The following TCF4 variants were observed in gnomAD, a reference collection of about 807,000 sequenced individuals.
TCF4 encodes transcription factor 4, also known as SL3-3 enhancer factor 2.
Under a neutral mutation model 82.1 loss-of-function variants are expected in TCF4, and 3 were observed. The ratio of observed to expected loss-of-function variants is 0.04; its 90% CI spans 0.02 to 0.09. TCF4 has a LOEUF of 0.09. TCF4 is among the 10% of genes least tolerant of loss of function. The probability of loss-of-function intolerance (pLI) is 1.00; values close to 1 mark genes in which losing one functional copy is unlikely to be tolerated. For synonymous variants in TCF4, 276 were observed against 309.6 expected, an observed-to-expected ratio of 0.89 and a Z score of 1.14; for missense variants, 518 against 852.7, an observed-to-expected ratio of 0.61 and a Z score of 4.89.
chr18:55,447,311 AAT>A (rs1337188518), intron 5 of TCF4, among the ~76,000 whole-genome samples: 1 of 139,526 alleles, frequency 7.2e-6, no homozygotes, highest in Admixed American at 7.4e-5. Context: ...AAAAAAAAAA[AAT>A]TAGACATTAT....
At chr18:55,607,721 G>A (rs1194532421) in intron 2 of TCF4, among the ~76,000 whole-genome samples, 1 of 152,112 alleles carries the variant, frequency 6.6e-6, no homozygotes, top group Non-Finnish European at 1.5e-5. Flanking sequence ...AGGTTGTTGC[G>A]GATCCAAATG....
chr18:55,238,757 T>C (rs532979852), intron 15 of TCF4, among the ~76,000 whole-genome samples: 2 of 152,280 alleles, frequency 1.3e-5, no homozygotes, highest in East Asian at 1.9e-4. Context: ...TGATGACAGA[T>C]TGGACTCTTT....
intron 6 of TCF4, among the ~76,000 whole-genome samples, chr18:55,357,112 T>C (rs2083749589): frequency 6.6e-6 from 1 of 152,194 alleles, no homozygotes; most frequent in African/African-American, 2.4e-5. Flanking sequence ...ATATACCTAT[T>C]TGACTCTCAT....
chr18:55,426,725 C>T (rs890557262), intron 5 of TCF4, among the ~76,000 whole-genome samples: 1 of 135,094 alleles, frequency 7.4e-6, no homozygotes, highest in African/African-American at 2.8e-5. Context: ...TTTCAATACC[C>T]TCTCCCCTAA....
intron 10 of TCF4, among the ~76,000 whole-genome samples, chr18:55,272,105 G>T (rs548085297): frequency 3.2e-4 from 48 of 152,162 alleles, no homozygotes; most frequent in African/African-American, 1.0e-3. Flanking sequence ...TGTAAAATGG[G>T]CAGTAATTTG....
chr18:55,291,823 A>C (rs2065161382), intron 8 of TCF4, among the ~76,000 whole-genome samples: 1 of 152,224 alleles, frequency 6.6e-6, no homozygotes, highest in South Asian at 2.1e-4. Context: ...GGTAAATTAC[A>C]TACAAAAAAT....
intron 3 of TCF4, among the ~76,000 whole-genome samples, chr18:55,497,461 A>C (rs565075704): frequency 6.6e-6 from 1 of 152,254 alleles, no homozygotes; most frequent in South Asian, 2.1e-4. Context: ...ACTATTATAT[A>C]CGGCATGCAG....
rs145699080 is a variant in TCF4 at position 55,441,909 on chromosome 18, G to A, written c.304+19110C>T. Among the ~76,000 whole-genome samples the A allele has an allele frequency of 5.5e-4, 84 of 152,162 alleles. 1 individual carries two copies. The highest frequency in any genetic ancestry group is 3.4e-3 in the Middle Eastern group (1 of 294). On this transcript the variant is annotated intron_variant, in intron 5 of 19. Coordinates refer to ENST00000354452, the MANE Select transcript of TCF4 (RefSeq NM_001083962.2). Reference sequence around the variant, plus strand: ...TTGTCATACCCATTTTAAATAAATGGGAAGTCAACTGAAACTGACTTCTCT... The same window carrying A: ...TTGTCATACCCATTTTAAATAAATGAGAAGTCAACTGAAACTGACTTCTCT...
Position 55,557,127 on chromosome 18 carries a change from C to T in TCF4, c.145+28153G>A, listed in dbSNP as rs190363352. Among the ~76,000 whole-genome samples, 15 of 152,282 alleles carry T rather than the reference C, an allele frequency of 9.9e-5. No individual in the cohort carries two copies. In the South Asian group the frequency reaches 1.0e-3, roughly 11 times the overall value. Reference sequence around the variant, plus strand: ...CGGTATGTGTAATTCCTGTTTAATGCAATGATTTTCTTCCATGAAGTATGG... The same window carrying T: ...CGGTATGTGTAATTCCTGTTTAATGTAATGATTTTCTTCCATGAAGTATGG... On this transcript the variant is annotated intron_variant, in intron 3 of 19. Coordinates refer to ENST00000354452, the MANE Select transcript of TCF4 (RefSeq NM_001083962.2).
At chr18:55,437,948 C>T (rs9967315) in intron 5 of TCF4, among the ~76,000 whole-genome samples, 7,286 of 152,240 alleles carry the variant, frequency 0.048, 321 homozygotes, top group South Asian at 0.17. Flanking sequence ...CGCCTCTAAT[C>T]CCAGCACTTT....
At chr18:55,316,027 G>A (rs186389889) in intron 8 of TCF4, among the ~76,000 whole-genome samples, 57 of 151,994 alleles carry the variant, frequency 3.8e-4, no homozygotes, top group African/African-American at 1.3e-3. Flanking sequence ...GGCTAATAAA[G>A]TGCAATTAAA....
Position 55,523,482 on chromosome 18 carries a change from T to G in TCF4, c.146-59345A>C, listed in dbSNP as rs572761998. On this transcript the variant is annotated intron_variant, in intron 3 of 19. Coordinates refer to ENST00000354452, the MANE Select transcript of TCF4 (RefSeq NM_001083962.2). ...AAAATATATAACAATAAGTATGAAT[T>G]TATTTAAATAATCTAAAATTGCATA... Among the ~76,000 whole-genome samples, 5 of 151,664 alleles carry G rather than the reference T, an allele frequency of 3.3e-5. No individual in the cohort carries two copies. The East Asian group carries it at 9.6e-4, about 29-fold the overall frequency.
chr18:55,381,387 T>C (rs1222331486), intron 6 of TCF4, among the ~76,000 whole-genome samples: 1 of 152,234 alleles, frequency 6.6e-6, no homozygotes, highest in Non-Finnish European at 1.5e-5. Context: ...ACTGTAACAT[T>C]AGCTGCACTG....
rs1199764141 is a variant in TCF4 at position 55,476,971 on chromosome 18, C to T, written c.146-12834G>A. Among the ~76,000 whole-genome samples, 3 of 152,136 alleles carry T rather than the reference C, an allele frequency of 2.0e-5. No homozygotes were observed. The South Asian group carries it at 6.2e-4, about 32-fold the overall frequency. On this transcript the variant is annotated intron_variant, in intron 3 of 19. Transcript: ENST00000354452. Reference sequence around the variant, plus strand: ...TGTGTAAAATCAGCATACACACACACACGATACACAAACTTGCATTTCCTA... The same window carrying T: ...TGTGTAAAATCAGCATACACACACATACGATACACAAACTTGCATTTCCTA...
chr18:55,627,658 G>C (rs972937022), intron 2 of TCF4, among the ~76,000 whole-genome samples: 9 of 152,156 alleles, frequency 5.9e-5, no homozygotes, highest in Admixed American at 5.9e-4. Context: ...CCAGCTACTC[G>C]GAAGGCTGAG....
chr18:55,589,622 TTGG>T (rs533450332), upstream of TCF4: 162 of 1,044,188 alleles, frequency 1.6e-4, no homozygotes, highest in South Asian at 2.3e-3. Context: ...ACAATTCTTG[TTGG>T]TGATTTTTTT....
chr18:55,622,450 A>G (rs1356655802), intron 2 of TCF4, among the ~76,000 whole-genome samples: 1 of 149,754 alleles, frequency 6.7e-6, no homozygotes, highest in Non-Finnish European at 1.5e-5. Flanking sequence ...GGTTGCAGTG[A>G]GCCGAGATCA....
intron 3 of TCF4, among the ~76,000 whole-genome samples, chr18:55,500,063 A>G (rs961307153): frequency 2.0e-5 from 3 of 152,092 alleles, no homozygotes; most frequent in Admixed American, 2.0e-4. Context: ...TACGCCTGTA[A>G]TCCCAGCTAC....
At chr18:55,397,911 T>C (rs1464167608) in intron 6 of TCF4, among the ~76,000 whole-genome samples, 3 of 152,218 alleles carry the variant, frequency 2.0e-5, no homozygotes, top group African/African-American at 4.8e-5. Flanking sequence ...TACAAACAAC[T>C]GTTTAACCTA....
Sources: allele counts gnomAD v4.1 joint callset (sites outside exome capture counted in the v4.1 genomes callset), GRCh38; gene constraint gnomAD v4.1.1; transcripts MANE v1.5; gene names NCBI Gene and HGNC (gene_info 2026-07-23, HGNC 2026-07-21).